GLIS3: variants seen among roughly 807,000 people sequenced by gnomAD.
GLIS3 encodes GLIS family zinc finger 3.
A neutral mutation model predicts 78.6 loss-of-function variants in GLIS3; 53 were observed. The ratio of observed to expected loss-of-function variants is 0.67; its 90% CI spans 0.54 to 0.85. The LOEUF (loss-of-function observed/expected upper bound fraction) is 0.85, where lower values mean the gene tolerates loss of function less well. Among genes scored for constraint, GLIS3 ranks in the 40% least tolerant of loss-of-function variants. GLIS3 has a pLI of 0.00. For missense variants in GLIS3, 1,703 were observed against 1,231.1 expected (o/e 1.38, Z -5.74); for synonymous variants, 684 against 509.9 (o/e 1.34, Z -4.60).
chr9:4,397,320 C>T, the GLIS3 span, among the ~76,000 whole-genome samples: 2 of 151,548 alleles, frequency 1.3e-5, no homozygotes, highest in African/African-American at 4.9e-5. Context: ...CCACCACACC[C>T]TGCCGTCAAT....
intron 4 of GLIS3, among the ~76,000 whole-genome samples, chr9:3,951,243 T>C (rs1816657438): frequency 6.6e-6 from 1 of 152,184 alleles, no homozygotes; most frequent in Non-Finnish European, 1.5e-5. Flanking sequence ...CAAAGCCCAA[T>C]TATTTCAGCT....
At chr9:3,893,050 C>T (rs1822567118) in intron 7 of GLIS3, among the ~76,000 whole-genome samples, 1 of 152,004 alleles carries the variant, frequency 6.6e-6, no homozygotes, top group African/African-American at 2.4e-5. Context: ...GTTTCACTGC[C>T]CAGGTATTAA....
At chr9:4,388,077 A>G in the GLIS3 span, among the ~76,000 whole-genome samples, 1 of 152,226 alleles carries the variant, frequency 6.6e-6, no homozygotes, top group Non-Finnish European at 1.5e-5. Flanking sequence ...ATGTACCATT[A>G]AAGTTTCTTA....
At chr9:4,122,824 T>C (rs1832287892) in intron 3 of GLIS3, among the ~76,000 whole-genome samples, 1 of 152,208 alleles carries the variant, frequency 6.6e-6, no homozygotes, top group Non-Finnish European at 1.5e-5. Flanking sequence ...TATCAGCACC[T>C]CAGCCTTGTC....
At chr9:4,312,140 AGTTTTTGTTTTT>A (rs529915049) in intron 2 of GLIS3, among the ~76,000 whole-genome samples, 1 of 151,698 alleles carries the variant, frequency 6.6e-6, no homozygotes, top group Non-Finnish European at 1.5e-5. Context: ...CTAAAATAAA[AGTTTTTGTTTTT>A]GTTTTTGTTT....
At chr9:4,233,337 C>G (rs952389766) in intron 2 of GLIS3, among the ~76,000 whole-genome samples, 1 of 152,206 alleles carries the variant, frequency 6.6e-6, no homozygotes, top group Admixed American at 6.5e-5. Flanking sequence ...ATACCAGGAC[C>G]AAACTGAAAG....
At chr9:4,368,063 G>C in the GLIS3 span, among the ~76,000 whole-genome samples, 1 of 152,178 alleles carries the variant, frequency 6.6e-6, no homozygotes, top group Non-Finnish European at 1.5e-5. Flanking sequence ...AAGTTAACCA[G>C]TCAATTCTTG....
chr9:4,454,591 G>T, the GLIS3 span, among the ~76,000 whole-genome samples: 1 of 152,208 alleles, frequency 6.6e-6, no homozygotes, highest in East Asian at 1.9e-4. Flanking sequence ...AGATACTAGT[G>T]GACACCTGTT....
At chr9:4,289,453 T>C (rs1333464501) in intron 1 of GLIS3, among the ~76,000 whole-genome samples, 1 of 152,152 alleles carries the variant, frequency 6.6e-6, no homozygotes, top group Non-Finnish European at 1.5e-5. Context: ...GTGTTGTCTA[T>C]GGGCAATACT....
intron 4 of GLIS3, chr9:4,034,428 T>G (rs1391528898): frequency 2.0e-5 from 3 of 152,194 alleles, no homozygotes; most frequent in African/African-American, 7.2e-5. Flanking sequence ...CCTGTAAGCA[T>G]GTTCAGAGCA....
intron 4 of GLIS3, among the ~76,000 whole-genome samples, chr9:3,980,339 G>A (rs547869572): frequency 6.6e-5 from 10 of 152,170 alleles, no homozygotes; most frequent in Non-Finnish European, 1.5e-4. Context: ...CCAAGAGGAG[G>A]CCCAGGTTCA....
chr9:4,241,026 T>C (rs1010807520), intron 2 of GLIS3, among the ~76,000 whole-genome samples: 7 of 152,144 alleles, frequency 4.6e-5, no homozygotes, highest in African/African-American at 7.2e-5. Context: ...TTAACGTGCA[T>C]TTATTATCCT....
intron 4 of GLIS3, among the ~76,000 whole-genome samples, chr9:4,067,161 ATT>A (rs34810075): frequency 1.3e-5 from 2 of 150,876 alleles, no homozygotes; most frequent in Admixed American, 6.6e-5. Context: ...ATCTTCTTTT[ATT>A]TTTTTTTAAT....
intron 2 of GLIS3, among the ~76,000 whole-genome samples, chr9:4,335,980 G>C (rs554983824): frequency 4.3e-4 from 66 of 152,328 alleles, no homozygotes; most frequent in African/African-American, 1.6e-3. Flanking sequence ...GAAGAAGAAA[G>C]GGCAGGGAGC....
At chr9:4,121,377 C>G (rs1183082825) in intron 3 of GLIS3, among the ~76,000 whole-genome samples, 1 of 152,122 alleles carries the variant, frequency 6.6e-6, no homozygotes, top group South Asian at 2.1e-4. Context: ...CAGAAGGGAT[C>G]ATTTTTATCT....
At chr9:3,895,533 G>C (rs1026893127) in intron 7 of GLIS3, among the ~76,000 whole-genome samples, 1 of 152,156 alleles carries the variant, frequency 6.6e-6, no homozygotes, top group African/African-American at 2.4e-5. Flanking sequence ...ATATTTGGCT[G>C]CTTTAACCTG....
At chr9:3,906,171 T>C (rs1469818764) in intron 6 of GLIS3, among the ~76,000 whole-genome samples, 1 of 152,218 alleles carries the variant, frequency 6.6e-6, no homozygotes, top group African/African-American at 2.4e-5. Flanking sequence ...CACATGAAGA[T>C]TCCGTATTTG....
Position 3,907,023 on chromosome 9 carries a change from C to T in GLIS3, c.1984-8188G>A, listed in dbSNP as rs1337803287. Among the ~76,000 whole-genome samples, 6 of 152,186 alleles carry T rather than the reference C, an allele frequency of 3.9e-5. No homozygotes were observed. In the South Asian group the frequency reaches 1.2e-3, roughly 32 times the overall value. ...CCTCCCCTGACCAGACCAGTCCACA[C>T]TGGGCCTCTCAGGGTACAAGAAGAA... On this transcript the variant is annotated intron_variant, in intron 6 of 10. Transcript: ENST00000381971.
chr9:4,424,484 T>C, the GLIS3 span, among the ~76,000 whole-genome samples: 1 of 152,230 alleles, frequency 6.6e-6, no homozygotes, highest in Non-Finnish European at 1.5e-5. Flanking sequence ...TTTAAAGGTC[T>C]AACGTGGTCT....
Sources: gnomAD v4.1 joint callset for allele counts (sites outside exome capture counted in the v4.1 genomes callset) on GRCh38, gnomAD v4.1.1 for gene constraint, MANE v1.5 for transcripts, NCBI Gene and HGNC (gene_info 2026-07-23, HGNC 2026-07-21) for gene names.